Variants in KANSL1L observed in about 807,000 individuals in gnomAD.
KANSL1L encodes the protein KAT8 regulatory NSL complex subunit 1 like.
In KANSL1L, 25 loss-of-function variants were observed where a neutral mutation model predicts 108.6. That is an observed-to-expected ratio of 0.23 (90% CI 0.17 to 0.32). KANSL1L has a LOEUF of 0.32. Among genes scored for constraint, KANSL1L ranks in the 10% least tolerant of loss-of-function variants. The pLI, the probability that KANSL1L is intolerant of heterozygous loss-of-function variation, is 1.00. For synonymous variants in KANSL1L, 405 were observed against 395.1 expected, an observed-to-expected ratio of 1.03 and a Z score of -0.30; for missense variants, 1,137 against 1,125.7, an observed-to-expected ratio of 1.01 and a Z score of -0.14.
chr2:210,155,041 T>A (rs1476918930), intron 1 of KANSL1L, among the ~76,000 whole-genome samples: 3 of 152,138 alleles, frequency 2.0e-5, no homozygotes, highest in African/African-American at 7.2e-5. Context: ...TATCTAAACT[T>A]CTATTCCTGA....
chr2:210,136,684 A>G (rs1265075267), intron 2 of KANSL1L, among the ~76,000 whole-genome samples: 1 of 152,184 alleles, frequency 6.6e-6, no homozygotes, highest in Non-Finnish European at 1.5e-5. Context: ...AAACCCTGCA[A>G]TTACAAACCT....
chr2:210,144,867 T>C (rs1254383813), intron 2 of KANSL1L, among the ~76,000 whole-genome samples: 1 of 152,242 alleles, frequency 6.6e-6, no homozygotes, highest in African/African-American at 2.4e-5. Flanking sequence ...TTGGTGGTTT[T>C]ATGATTCTTT....
rs2095318219 is a variant in KANSL1L at position 210,153,820 on chromosome 2, TAAC to T, written c.760_762del (p.Val254del). 1.9e-6 allele frequency: 3 copies of T among 1,613,140 alleles called. No homozygotes were observed. Among genetic ancestry groups the T allele is most frequent in the African/African-American group, 1.3e-5 (1 of 74,886 alleles). The stretch of plus-strand genomic sequence containing the variant: ...AATTTCATCTGCTGACCATAGTGCT[TAAC>T]AACATGCTTTGCCAGGAGCATCTGC... On this transcript the variant is annotated inframe_deletion, in exon 2 of 15. Transcript: ENST00000281772.
intron 6 of KANSL1L, among the ~76,000 whole-genome samples, chr2:210,065,747 G>A (rs898421354): frequency 1.5e-4 from 23 of 151,878 alleles, no homozygotes; most frequent in African/African-American, 4.6e-4. Context: ...CACCACGCCC[G>A]GCTAATATTT....
intron 6 of KANSL1L, among the ~76,000 whole-genome samples, chr2:210,051,400 A>G (rs1158267745): frequency 2.6e-5 from 4 of 152,156 alleles, no homozygotes; most frequent in Non-Finnish European, 5.9e-5. Context: ...ATTTGTTTCC[A>G]TAGTAGTCAT....
At chr2:210,130,727 A>C (rs1032841938) in intron 2 of KANSL1L, among the ~76,000 whole-genome samples, 1 of 152,242 alleles carries the variant, frequency 6.6e-6, no homozygotes, top group Non-Finnish European at 1.5e-5. Context: ...TAGCAACACT[A>C]AATGCCAATC....
chr2:210,040,098 T>C (rs895841631), intron 8 of KANSL1L, among the ~76,000 whole-genome samples: 1 of 151,886 alleles, frequency 6.6e-6, no homozygotes, highest in African/African-American at 2.4e-5. Context: ...TCGAGTTACA[T>C]TACATTAATC....
At chr2:210,119,055 G>A (rs28826414) in intron 3 of KANSL1L, among the ~76,000 whole-genome samples, 193 of 151,874 alleles carry the variant, frequency 1.3e-3, no homozygotes, top group African/African-American at 4.5e-3. Flanking sequence ...ATGGTGGCGC[G>A]CACCTGTAGT....
chr2:210,032,931 G>C (rs2094040080), intron 8 of KANSL1L: 1 of 152,176 alleles, frequency 6.6e-6, no homozygotes, highest in Non-Finnish European at 1.5e-5. Flanking sequence ...ACAGGTAAGA[G>C]GCCCTCTGGA....
At chr2:210,073,227 C>T (rs1456517841) in intron 6 of KANSL1L, among the ~76,000 whole-genome samples, 1 of 152,016 alleles carries the variant, frequency 6.6e-6, no homozygotes, top group Admixed American at 6.6e-5. Context: ...TGGAGACCAG[C>T]CATTTCTCCA....
intron 12 of KANSL1L, 35 bp from the exon 13 acceptor site, chr2:210,025,251 GA>G (rs747587511): frequency 3.2e-6 from 4 of 1,260,294 alleles, no homozygotes; most frequent in Non-Finnish European, 4.7e-6. Flanking sequence ...GTTTTAATCA[GA>G]AACATTTTGA....
intron 5 of KANSL1L, among the ~76,000 whole-genome samples, chr2:210,091,170 G>A (rs1191317023): frequency 6.6e-6 from 1 of 152,002 alleles, no homozygotes; most frequent in Non-Finnish European, 1.5e-5. Flanking sequence ...CAAATTTTAA[G>A]GTAACATGAA....
intron 2 of KANSL1L, among the ~76,000 whole-genome samples, chr2:210,141,235 T>C (rs899639281): frequency 1.3e-5 from 2 of 152,084 alleles, no homozygotes. Flanking sequence ...CTTTTATTTA[T>C]TTATTTTTAT....
At chr2:210,141,501 C>T (rs1297105641) in intron 2 of KANSL1L, among the ~76,000 whole-genome samples, 1 of 152,100 alleles carries the variant, frequency 6.6e-6, no homozygotes, top group Non-Finnish European at 1.5e-5. Flanking sequence ...GTAGAAGATG[C>T]CAACATGAAG....
At chr2:210,089,031 G>T (rs1023863408) in intron 5 of KANSL1L, 1 of 168,326 alleles carries the variant, frequency 5.9e-6, no homozygotes, top group South Asian at 1.6e-4. Flanking sequence ...TTGCCCTGAT[G>T]AATGGAATTT....
At chr2:210,156,278 A>T (rs1484806128) in intron 1 of KANSL1L, among the ~76,000 whole-genome samples, 1 of 152,108 alleles carries the variant, frequency 6.6e-6, no homozygotes, top group Non-Finnish European at 1.5e-5. Context: ...CATCACATAC[A>T]TATCATGAGA....
At chr2:210,031,345 T>G in intron 9 of KANSL1L, 76 bp downstream of exon 9, 19 of 1,003,668 alleles carry the variant, frequency 1.9e-5, no homozygotes, top group Middle Eastern at 2.6e-4. Context: ...TAAACTCCCA[T>G]GAGAGGTTAT....
chr2:210,092,710 T>C (rs1326962293), intron 5 of KANSL1L, among the ~76,000 whole-genome samples: 1 of 152,226 alleles, frequency 6.6e-6, no homozygotes, highest in Non-Finnish European at 1.5e-5. Context: ...TGATTATATT[T>C]GCCTGTTTGT....
intron 6 of KANSL1L, among the ~76,000 whole-genome samples, chr2:210,050,974 C>T (rs1188312931): frequency 3.3e-5 from 5 of 152,222 alleles, no homozygotes; most frequent in East Asian, 3.9e-4. Context: ...CAAACTCCTG[C>T]GACCAGCCCA....
Sources: gnomAD v4.1 joint callset for allele counts (sites outside exome capture counted in the v4.1 genomes callset) on GRCh38, gnomAD v4.1.1 for gene constraint, MANE v1.5 for transcripts, NCBI Gene and HGNC (gene_info 2026-07-23, HGNC 2026-07-21) for gene names.